ATAD3B: variants seen among roughly 807,000 people sequenced by gnomAD.
ATAD3B encodes the protein ATPase family AAA domain containing 3B, also known as ATPase family AAA domain-containing protein 3B.
ATAD3B carries 59 observed loss-of-function variants against 70.2 expected under a neutral mutation model. That is an observed-to-expected ratio of 0.84 (90% CI 0.68 to 1.04). The LOEUF is 1.04. ATAD3B is among the 50% of genes least tolerant of loss of function. The probability of loss-of-function intolerance (pLI) is 0.00; values close to 1 mark genes in which losing one functional copy is unlikely to be tolerated. For synonymous variants in ATAD3B, 423 were observed against 388.6 expected, an observed-to-expected ratio of 1.09 and a Z score of -1.04; for missense variants, 961 against 913.4, an observed-to-expected ratio of 1.05 and a Z score of -0.67.
chr1:1,498,407 G>A (rs1640854114), downstream of ATAD3B, among the ~76,000 whole-genome samples: 1 of 152,006 alleles, frequency 6.6e-6, no homozygotes, highest in Non-Finnish European at 1.5e-5. Flanking sequence ...AGAGGTGACA[G>A]CCGAGATCGC....
At chr1:1,477,133 A>G in intron 1 of ATAD3B, 141 bp from the exon 2 acceptor site, 1 of 1,123,824 alleles carries the variant, frequency 8.9e-7, no homozygotes. Flanking sequence ...CCTGAGCCTC[A>G]GAGTTGCTGG....
At chr1:1,475,219 G>C (rs1639530373) in intron 1 of ATAD3B, among the ~76,000 whole-genome samples, 1 of 149,378 alleles carries the variant, frequency 6.7e-6, no homozygotes, top group African/African-American at 2.5e-5. Flanking sequence ...GTGCACCGTG[G>C]GGAGCCCTCC....
At chr1:1,509,001 G>C in the ATAD3B span, among the ~76,000 whole-genome samples, 2 of 151,766 alleles carry the variant, frequency 1.3e-5, no homozygotes, top group Non-Finnish European at 2.9e-5. Flanking sequence ...TGCTGAGGAC[G>C]CAGGCAGGGC....
intron 3 of ATAD3B, 137 bp downstream of exon 3, chr1:1,478,882 G>A (rs1639740651): frequency 1.3e-6 from 1 of 767,804 alleles, no homozygotes; most frequent in Non-Finnish European, 2.0e-6. Context: ...TTGCACAAAC[G>A]CCTAAGACCT....
At chr1:1,477,808 C>T (rs1382659750) in intron 2 of ATAD3B, among the ~76,000 whole-genome samples, 7 of 109,152 alleles carry the variant, frequency 6.4e-5, no homozygotes, top group African/African-American at 2.0e-4. Flanking sequence ...CGGGTTCAAG[C>T]GATTCATCTG....
At chr1:1,503,223 CAAAAA>C in the ATAD3B span, 5 of 108,942 alleles carry the variant, frequency 4.6e-5, no homozygotes, top group South Asian at 3.8e-4. Context: ...GATTCCGTCT[CAAAAA>C]AAAAAAAAAA....
chr1:1,495,088 C>A (rs1238884796), intron 15 of ATAD3B, among the ~76,000 whole-genome samples: 1 of 152,070 alleles, frequency 6.6e-6, no homozygotes, highest in Non-Finnish European at 1.5e-5. Flanking sequence ...GCCCTGGAGG[C>A]CTGTGAGGGT....
intron 15 of ATAD3B, 69 bp from the exon 16 acceptor site, chr1:1,495,416 G>A (rs1172668917): frequency 6.6e-7 from 1 of 1,526,610 alleles, no homozygotes; most frequent in Non-Finnish European, 8.8e-7. Flanking sequence ...CCCACCTCGG[G>A]GCCCTGGCGT....
rs1207191164 is a variant in ATAD3B at position 1,486,092 on chromosome 1, C to T, written c.964-18C>T. 3 of 1,612,816 alleles carry T rather than the reference C, an allele frequency of 1.9e-6. No homozygotes were observed. The highest frequency in any genetic ancestry group is 1.7e-5 in the Admixed American group (1 of 59,958). Reference sequence around the variant, plus strand: ...TGGGTGCAGAGTGTCTCCCCCAAACCCCCGTCTTCCCCGGCAGCCCAGCCT... The same window carrying T: ...TGGGTGCAGAGTGTCTCCCCCAAACTCCCGTCTTCCCCGGCAGCCCAGCCT... On this transcript the variant is annotated intron_variant, in intron 9 of 15. Coordinates refer to ENST00000673477, the MANE Select transcript of ATAD3B (RefSeq NM_031921.6).
At position 1,484,759 on chromosome 1, in the gene ATAD3B, C is replaced by A. The variant is rs1640110175; in HGVS notation, c.751-257C>A. On this transcript the variant is annotated intron_variant, in intron 7 of 15. Coordinates refer to ENST00000673477, the MANE Select transcript of ATAD3B (RefSeq NM_031921.6). ...GTCTGCCCAGGGCCCCGCTCAGCGA[C>A]CGAGGCTTTCTAGGATTTATGCTGC... 4.9e-6 allele frequency: 5 copies of A among 1,028,562 alleles called. No individual in the cohort carries two copies. In the East Asian group the frequency reaches 8.4e-5, roughly 17 times the overall value. The allele number at this position is 1,028,562 out of a possible 1,614,324, so 63.7% of individuals were successfully genotyped here. A position where few individuals can be genotyped will look rare whatever the true frequency, so the allele number is the denominator to read the frequency against.
At position 1,486,105 on chromosome 1, in the gene ATAD3B, G is replaced by A. The variant is rs1033237712; in HGVS notation, c.964-5G>A. The stretch of plus-strand genomic sequence containing the variant: ...TCTCCCCCAAACCCCCGTCTTCCCC[G>A]GCAGCCCAGCCTGGAAGCACGGGTG... On this transcript the variant is annotated splice_region_variant and splice_polypyrimidine_tract_variant and intron_variant, in intron 9 of 15. Transcript: ENST00000673477. The A allele has an allele frequency of 1.4e-5, 22 of 1,612,888 alleles. No homozygotes were observed. The highest frequency in any genetic ancestry group is 8.0e-5 in the African/African-American group (6 of 74,864).
chr1:1,488,684 A>G (rs920086508), intron 12 of ATAD3B, among the ~76,000 whole-genome samples: 5 of 151,916 alleles, frequency 3.3e-5, no homozygotes, highest in Non-Finnish European at 7.4e-5. Context: ...GCTTGAACCC[A>G]GGAGGCAGAG....
intron 5 of ATAD3B, 91 bp downstream of exon 5, chr1:1,481,027 C>T: frequency 6.4e-7 from 1 of 1,552,338 alleles, no homozygotes; most frequent in South Asian, 1.2e-5. Context: ...TGCCGCCCGG[C>T]CCCTCATAGC....
At chr1:1,477,241 T>A in intron 1 of ATAD3B, 33 bp from the exon 2 acceptor site, 1 of 1,610,726 alleles carries the variant, frequency 6.2e-7, no homozygotes, top group Non-Finnish European at 8.5e-7. Flanking sequence ...CCGTGTATCC[T>A]ACACCTGCTC....
rs760449481 is a variant in ATAD3B, at chr1:1,485,041, T to G, written c.776T>G (p.Val259Gly). The change falls in exon 8 of 16, where the codon GTC becomes GGC. Residue 259 changes from valine (V) to glycine (G), a missense_variant. This residue lies in a region of ATAD3B where 349 missense variants were observed against 307.5 expected (regional missense o/e 1.14). Coordinates refer to ENST00000673477, the MANE Select transcript of ATAD3B (RefSeq NM_031921.6). ...GTGGCTGGGCTGACGCTGCTGGCTG[T>G]CGGGGTCTACTCAGCCAAGAATGCG... is the stretch of plus-strand genomic sequence containing the variant. ...ATVAGLTLLA[V>G]GVYSAKNATA... 2 of 1,603,996 alleles carry G rather than the reference T, an allele frequency of 1.2e-6. No homozygotes were observed. Among genetic ancestry groups the G allele is most frequent in the Admixed American group, 1.7e-5 (1 of 59,100 alleles).
intron 5 of ATAD3B, 111 bp from the exon 6 acceptor site, chr1:1,482,027 T>TGGGCCGG (rs1639934718): frequency 6.8e-7 from 1 of 1,472,082 alleles, no homozygotes; most frequent in African/African-American, 1.4e-5. Context: ...GTCTGTGGCG[T>TGGGCCGG]TGGTCTGTCC....
chr1:1,504,590 C>T, the ATAD3B span, among the ~76,000 whole-genome samples: 4 of 151,718 alleles, frequency 2.6e-5, no homozygotes, highest in East Asian at 2.0e-4. Flanking sequence ...GCGGAGGTTG[C>T]GGTGAGCCGA....
At chr1:1,501,709 T>C (rs1464986219), downstream of ATAD3B, among the ~76,000 whole-genome samples, 2 of 152,004 alleles carry the variant, frequency 1.3e-5, no homozygotes, top group African/African-American at 4.8e-5. Context: ...CACAAGAGTT[T>C]TTCCTGTTAG....
Position 1,473,985 on chromosome 1 carries a change from G to A in ATAD3B, c.205+1896G>A, listed in dbSNP as rs145447443. Among the ~76,000 whole-genome samples the A allele has an allele frequency of 7.4e-4, 113 of 152,046 alleles. 2 individuals carry two copies. Among genetic ancestry groups the A allele is most frequent in the African/African-American group, 2.7e-3 (111 of 41,494 alleles). On this transcript the variant is annotated intron_variant, in intron 1 of 15. Coordinates refer to ENST00000673477, the MANE Select transcript of ATAD3B (RefSeq NM_031921.6). ...CCCGGCTGGGTCTCATAACCCCAGAGGGACATTCAGGTTTGGGCCCAGGCC... is the reference window on the plus strand; with the variant it reads ...CCCGGCTGGGTCTCATAACCCCAGAAGGACATTCAGGTTTGGGCCCAGGCC...
Sources: gnomAD v4.1 joint callset for allele counts (sites outside exome capture counted in the v4.1 genomes callset) on GRCh38, gnomAD v4.1.1 for gene constraint, gnomAD v4.1.1 regional missense constraint, MANE v1.5 for transcripts, NCBI Gene and HGNC (gene_info 2026-07-23, HGNC 2026-07-21) for gene names.